The following EBF2 variants were observed in gnomAD, a reference collection of about 807,000 sequenced individuals.
EBF2 encodes transcription factor COE2.
Under a neutral mutation model 72.8 loss-of-function variants are expected in EBF2, and 21 were observed. The observed-to-expected ratio is 0.29, with a 90% CI of 0.20 to 0.42. The LOEUF (loss-of-function observed/expected upper bound fraction) is 0.42. Ranked by LOEUF, EBF2 falls within the 10% of genes least tolerant of loss-of-function variation. EBF2 has a pLI of 1.00. For missense variants in EBF2, 637 were observed against 731.2 expected, an observed-to-expected ratio of 0.87 and a Z score of 1.49; for synonymous variants, 299 against 274.2, an observed-to-expected ratio of 1.09 and a Z score of -0.89.
intron 6 of EBF2, among the ~76,000 whole-genome samples, chr8:25,956,532 T>C (rs1803951205): frequency 6.6e-6 from 1 of 152,218 alleles, no homozygotes; most frequent in Admixed American, 6.5e-5. Flanking sequence ...CTCAATAGTG[T>C]ACCTTGTATC....
At chr8:26,026,829 C>T (rs986610093) in intron 6 of EBF2, among the ~76,000 whole-genome samples, 1 of 152,120 alleles carries the variant, frequency 6.6e-6, no homozygotes, top group African/African-American at 2.4e-5. Flanking sequence ...GACTAAATTC[C>T]AGTTTCACAA....
chr8:26,029,713 G>A (rs74855491), intron 6 of EBF2, among the ~76,000 whole-genome samples: 2,522 of 152,222 alleles, frequency 0.017, 84 homozygotes, highest in African/African-American at 0.058. Context: ...GGCATTATAG[G>A]AACAAGGACA....
chr8:25,980,168 G>C (rs773617048), intron 6 of EBF2, among the ~76,000 whole-genome samples: 4 of 152,084 alleles, frequency 2.6e-5, no homozygotes, highest in Non-Finnish European at 5.9e-5. Flanking sequence ...GGGGGTGGGA[G>C]GGGCATCCTT....
intron 6 of EBF2, among the ~76,000 whole-genome samples, chr8:25,977,370 T>C (rs1233411141): frequency 1.3e-5 from 2 of 152,134 alleles, no homozygotes; most frequent in Non-Finnish European, 2.9e-5. Flanking sequence ...ACGAGCTTCC[T>C]TCCCCCAGTT....
Position 26,044,993 on chromosome 8 carries a change from CT to C in EBF2, c.-135del. The C allele has an allele frequency of 2.2e-6, 2 of 891,798 alleles. No individual in the cohort carries two copies. The highest frequency in any genetic ancestry group is 3.3e-6 in the Non-Finnish European group (2 of 612,958). 55.2% of individuals were successfully genotyped at this position (891,798 alleles called of 1,614,324 possible). ...AGGGATCAAGTGCCCAAGTTTGAGT[CT>C]TAGAAAAAAAAAAAAGATAACCCGT... On this transcript the variant is annotated 5_prime_UTR_variant, in exon 1 of 16. Coordinates refer to ENST00000520164, the MANE Select transcript of EBF2 (RefSeq NM_022659.4). This position sits in a 1 kb window ranked among gnomAD's most constrained non-coding sequence, Gnocchi z 4.1.
chr8:26,037,543 C>T (rs982158697), intron 5 of EBF2, among the ~76,000 whole-genome samples: 3 of 152,166 alleles, frequency 2.0e-5, no homozygotes, highest in African/African-American at 4.8e-5. Context: ...CCCCACTGCC[C>T]GGCTGGCCCA....
intron 6 of EBF2, chr8:26,032,773 T>G: frequency 4.2e-6 from 1 of 240,058 alleles, no homozygotes. Flanking sequence ...TCTAGAAAAC[T>G]GATTGAGACC....
At chr8:25,940,289 C>T (rs1024254112) in intron 6 of EBF2, among the ~76,000 whole-genome samples, 1 of 152,178 alleles carries the variant, frequency 6.6e-6, no homozygotes, top group African/African-American at 2.4e-5. Context: ...TCACAGTAGT[C>T]TTCTGAGGTA....
At chr8:25,941,402 T>C (rs915788918) in intron 6 of EBF2, among the ~76,000 whole-genome samples, 33 of 152,206 alleles carry the variant, frequency 2.2e-4, no homozygotes, top group African/African-American at 7.7e-4. Flanking sequence ...GACAGGGTTT[T>C]GCCACGTTCG....
At chr8:25,906,657 C>T (rs1055809041) in intron 7 of EBF2, among the ~76,000 whole-genome samples, 1 of 152,060 alleles carries the variant, frequency 6.6e-6, no homozygotes, top group African/African-American at 2.4e-5. Flanking sequence ...GTCCCAGCTA[C>T]TCAGGAGGGT....
intron 6 of EBF2, among the ~76,000 whole-genome samples, chr8:26,021,695 T>G (rs537751425): frequency 6.6e-6 from 1 of 152,276 alleles, no homozygotes; most frequent in South Asian, 2.1e-4. Flanking sequence ...ATATACATAC[T>G]AAAAAAATCA....
At chr8:25,964,148 AG>A (rs1311559634) in intron 6 of EBF2, among the ~76,000 whole-genome samples, 4 of 152,120 alleles carry the variant, frequency 2.6e-5, no homozygotes, top group African/African-American at 4.8e-5. Flanking sequence ...AAGGGGAGGG[AG>A]AAGTGAATTT....
At position 25,844,650 on chromosome 8, in the gene EBF2, A is replaced by G; in HGVS notation, c.1697-10T>C. ...ACAAGTCCGGTCATGGCTGCAAGGA[A>G]AGAGTGGCACAGGAATGAGACTTGG... is the stretch of plus-strand genomic sequence containing the variant. On this transcript the variant is annotated splice_polypyrimidine_tract_variant and intron_variant, in intron 15 of 15. Transcript: ENST00000520164. 6.2e-7 allele frequency: 1 copy of G among 1,613,990 alleles called. No homozygotes were observed. The highest frequency in any genetic ancestry group is 8.5e-7 in the Non-Finnish European group (1 of 1,179,870).
intron 6 of EBF2, among the ~76,000 whole-genome samples, chr8:26,003,782 G>C (rs1348947644): frequency 6.6e-6 from 1 of 152,120 alleles, no homozygotes; most frequent in Non-Finnish European, 1.5e-5. Flanking sequence ...AATCGTTACT[G>C]ACCCACCCCA....
intron 6 of EBF2, among the ~76,000 whole-genome samples, chr8:25,992,471 G>T (rs1804560728): frequency 1.3e-5 from 2 of 151,712 alleles, no homozygotes; most frequent in Non-Finnish European, 1.5e-5. Flanking sequence ...TCTCATGGTT[G>T]TCATGCCACC....
At chr8:25,891,199 G>A (rs2117294584) in intron 7 of EBF2, among the ~76,000 whole-genome samples, 1 of 152,256 alleles carries the variant, frequency 6.6e-6, no homozygotes, top group South Asian at 2.1e-4. Flanking sequence ...CATATGTACT[G>A]CAGATCAGGG....
At chr8:25,990,265 G>C (rs1051448540) in intron 6 of EBF2, among the ~76,000 whole-genome samples, 5 of 151,714 alleles carry the variant, frequency 3.3e-5, no homozygotes, top group Non-Finnish European at 7.4e-5. Context: ...TCCTTCCTCT[G>C]AGTTTAAAAT....
In EBF2 at chr8:26,041,172, C is replaced by G. The variant is rs148035580; in HGVS notation, c.289-170G>C. On this transcript the variant is annotated intron_variant, in intron 2 of 15. Coordinates refer to ENST00000520164, the MANE Select transcript of EBF2 (RefSeq NM_022659.4). Reference sequence around the variant, plus strand: ...GGCATGAGCATCTGCCTGTCCTTGGCCGCCCCCGGAAACTTGCCAAGACTC... The same window carrying G: ...GGCATGAGCATCTGCCTGTCCTTGGGCGCCCCCGGAAACTTGCCAAGACTC... 2,473 of 717,556 alleles carry G rather than the reference C, an allele frequency of 3.4e-3. 44 individuals carry two copies. In the African/African-American group the frequency reaches 0.037, roughly 11 times the overall value. 44.4% of individuals were successfully genotyped at this position (717,556 alleles called of 1,614,324 possible). A position where few individuals can be genotyped will look rare whatever the true frequency, so the allele number is the denominator to read the frequency against.
chr8:26,016,158 C>T (rs144980089), intron 6 of EBF2, among the ~76,000 whole-genome samples: 124 of 152,308 alleles, frequency 8.1e-4, no homozygotes, highest in African/African-American at 2.9e-3. Flanking sequence ...GTAACACAGT[C>T]TTACTCTATT....
Sources: gnomAD v4.1 joint callset for allele counts (sites outside exome capture counted in the v4.1 genomes callset) on GRCh38, gnomAD v4.1.1 for gene constraint, Gnocchi (gnomAD v3.1) non-coding constraint, MANE v1.5 for transcripts, NCBI Gene and HGNC (gene_info 2026-07-23, HGNC 2026-07-21) for gene names.